SENP1: variants seen among roughly 807,000 people sequenced by gnomAD.
The protein encoded by SENP1 is SUMO specific peptidase 1.
A neutral mutation model predicts 93.0 loss-of-function variants in SENP1; 21 were observed. The observed-to-expected ratio is 0.23, with a 90% confidence interval of 0.16 to 0.33. The LOEUF (loss-of-function observed/expected upper bound fraction) is 0.33. SENP1 is among the 10% of genes least tolerant of loss of function. SENP1 has a pLI of 1.00. For synonymous variants in SENP1, 256 were observed against 259.6 expected, an observed-to-expected ratio of 0.99 and a Z score of 0.13; for missense variants, 591 against 758.7, an observed-to-expected ratio of 0.78 and a Z score of 2.60.
chr12:48,088,209 T>C (rs1049420038), intron 5 of SENP1, among the ~76,000 whole-genome samples: 2 of 152,088 alleles, frequency 1.3e-5, no homozygotes, highest in Admixed American at 6.6e-5. Context: ...CACACCACCA[T>C]GCCTGGCTAA....
At chr12:48,078,868 T>C (rs1234841960) in intron 6 of SENP1, among the ~76,000 whole-genome samples, 1 of 152,236 alleles carries the variant, frequency 6.6e-6, no homozygotes, top group Non-Finnish European at 1.5e-5. Flanking sequence ...TTGTTGTTGT[T>C]GTTAAACACA....
At chr12:48,086,798 C>T (rs1456435737) in intron 5 of SENP1, among the ~76,000 whole-genome samples, 1 of 151,960 alleles carries the variant, frequency 6.6e-6, no homozygotes, top group African/African-American at 2.4e-5. Flanking sequence ...AGGAAGGGAT[C>T]GGGAGGCCAA....
chr12:48,105,735 G>C (rs1946498891), intron 1 of SENP1: 2 of 525,048 alleles, frequency 3.8e-6, no homozygotes, highest in East Asian at 3.4e-5. Flanking sequence ...TGGGCGCTGG[G>C]ATGGGGCCTG....
At chr12:48,058,504 AT>A (rs1412822737) in intron 13 of SENP1, among the ~76,000 whole-genome samples, 1 of 151,526 alleles carries the variant, frequency 6.6e-6, no homozygotes, top group East Asian at 1.9e-4. Context: ...TTTAATTTTT[AT>A]TTTTTGTGGT....
chr12:48,047,099 G>A, intron 15 of SENP1, 37 bp from the exon 16 acceptor site: 1 of 1,298,782 alleles, frequency 7.7e-7, no homozygotes, highest in South Asian at 1.2e-5. Flanking sequence ...AAGCAGTGGG[G>A]AACATCGATG....
At chr12:48,098,719 G>C (rs1945728165) in intron 2 of SENP1, among the ~76,000 whole-genome samples, 1 of 151,956 alleles carries the variant, frequency 6.6e-6, no homozygotes, top group Non-Finnish European at 1.5e-5. Flanking sequence ...GCTGAGGCAG[G>C]AGGACTGTTT....
intron 6 of SENP1, among the ~76,000 whole-genome samples, chr12:48,076,553 A>G (rs1300166948): frequency 6.6e-6 from 1 of 151,764 alleles, no homozygotes; most frequent in Admixed American, 6.6e-5. Flanking sequence ...GCTGGTCTCG[A>G]ACTCCTAACC....
Position 48,088,821 on chromosome 12 carries a change from G to A in SENP1, c.360C>T (p.Leu120=), listed in dbSNP as rs751776557. Residue 120 remains leucine (L), a synonymous_variant, in exon 5 of 18, where the codon CTC becomes CTT. Transcript: ENST00000549518. ...CGAACCTTGAGGTCTTTCGGGTTTC[G>A]AGGTAAAGACTTCGGCTGTTTCTTG... ...QKSRNSRSLY[L]ETRKTSSGLS... is the part of the protein sequence containing the mutation. The A allele has an allele frequency of 3.7e-6, 6 of 1,609,788 alleles. No homozygotes were observed. Among genetic ancestry groups the A allele is most frequent in the South Asian group, 1.1e-5 (1 of 89,938 alleles).
In SENP1 at chr12:48,047,043, T is replaced by C. The variant is rs1194933470; in HGVS notation, c.1711A>G (p.Ser571Gly). 1.2e-5 allele frequency: 19 copies of C among 1,612,318 alleles called. No individual in the cohort carries two copies. The highest frequency in any genetic ancestry group is 2.2e-5 in the East Asian group (1 of 44,884). Residue 571 changes from serine to glycine, a missense_variant, in exon 16 of 18, where the codon AGC (serine) becomes GGC (glycine). Physicochemically the swap from Ser to Gly is moderately conservative, Grantham distance 56. Coordinates refer to ENST00000549518, the MANE Select transcript of SENP1 (RefSeq NM_001267594.2). ...RILLQYLKQE[S>G]IDKKRKEFDT... ...AACTCTTTCCTTTTCTTGTCAATGC[T>C]TTCTTGCTTTAGGTATTGCCTAAAG...
At chr12:48,105,816 CTAACGGCCACCGGCGGCCACA>C in intron 1 of SENP1, 191 bp downstream of exon 1, 2 of 595,630 alleles carry the variant, frequency 3.4e-6, no homozygotes, top group Non-Finnish European at 6.0e-6. Flanking sequence ...CTCAGGTAGC[CTAACGGCCACCGGCGGCCACA>C]GCGCGGCCAC....
intron 5 of SENP1, chr12:48,085,371 T>A: frequency 1.5e-6 from 2 of 1,378,770 alleles, no homozygotes; most frequent in South Asian, 1.2e-5. Flanking sequence ...CGCCAAGGAC[T>A]CCACCCTGCG....
chr12:48,059,868 C>G (rs1016729583), intron 13 of SENP1, among the ~76,000 whole-genome samples: 2 of 152,168 alleles, frequency 1.3e-5, no homozygotes, highest in South Asian at 4.1e-4. Flanking sequence ...CTATTCAATG[C>G]CCTGTGACTT....
Position 48,105,722 on chromosome 12 carries a change from G to A in SENP1, c.-45+306C>T, listed in dbSNP as rs1423915738. Reference sequence around the variant, plus strand: ...TCGCAACCGGCCTTTCCCCAAGTACGGCTGGGCGCTGGGATGGGGCCTGCT... The same window carrying A: ...TCGCAACCGGCCTTTCCCCAAGTACAGCTGGGCGCTGGGATGGGGCCTGCT... On this transcript the variant is annotated intron_variant, in intron 1 of 17. Coordinates refer to ENST00000549518, the MANE Select transcript of SENP1 (RefSeq NM_001267594.2). 4 of 506,464 alleles carry A rather than the reference G, an allele frequency of 7.9e-6. No homozygotes were observed. The East Asian group carries it at 1.1e-4, about 14-fold the overall frequency. The allele number at this position is 506,464 out of a possible 1,614,324, so 31.4% of individuals were successfully genotyped here.
In SENP1 at chr12:48,043,634, A is replaced by G. The variant is rs936382801; in HGVS notation, c.*1688T>C. On this transcript the variant is annotated 3_prime_UTR_variant, in exon 18 of 18. Transcript: ENST00000549518. ...GAAAAAGAAAGAAAAATAAAGAGAG[A>G]TAGAAAGAGAAAGGGAAAGAAAGAG... 1 of 152,636 alleles carries G rather than the reference A, an allele frequency of 6.6e-6. No homozygotes were observed. Among genetic ancestry groups the G allele is most frequent in the Admixed American group, 6.5e-5 (1 of 15,274 alleles). 9.5% of individuals were successfully genotyped at this position (152,636 alleles called of 1,614,324 possible).
intron 9 of SENP1, among the ~76,000 whole-genome samples, chr12:48,069,918 T>G (rs896745777): frequency 6.6e-6 from 1 of 152,190 alleles, no homozygotes; most frequent in African/African-American, 2.4e-5. Context: ...AGAAAGAATA[T>G]TTCATTACTC....
chr12:48,056,223 A>C (rs1261758061), intron 13 of SENP1, among the ~76,000 whole-genome samples: 1 of 116,418 alleles, frequency 8.6e-6, no homozygotes, highest in Non-Finnish European at 1.6e-5. Flanking sequence ...TATATTTAAA[A>C]TGTAGTATAT....
At chr12:48,100,474 T>C (rs931405936) in intron 2 of SENP1, among the ~76,000 whole-genome samples, 2 of 151,700 alleles carry the variant, frequency 1.3e-5, no homozygotes, top group African/African-American at 4.8e-5. Context: ...CTACCGAAAA[T>C]ACAAAAATTA....
chr12:48,062,411 T>C (rs1943017704), intron 13 of SENP1, among the ~76,000 whole-genome samples: 1 of 152,242 alleles, frequency 6.6e-6, no homozygotes, highest in African/African-American at 2.4e-5. Flanking sequence ...GGGTTTCTTC[T>C]AAAGAAAGAC....
At chr12:48,081,902 T>C (rs1441649865) in intron 6 of SENP1, among the ~76,000 whole-genome samples, 2 of 151,602 alleles carry the variant, frequency 1.3e-5, no homozygotes, top group Non-Finnish European at 2.9e-5. Flanking sequence ...TTTGTTGTTG[T>C]TGTTGAGACG....
Sources: allele counts gnomAD v4.1 joint callset (sites outside exome capture counted in the v4.1 genomes callset), GRCh38; gene constraint gnomAD v4.1.1; transcripts MANE v1.5; gene names NCBI Gene and HGNC (gene_info 2026-07-23, HGNC 2026-07-21).